Variants in SAMD5 observed in about 807,000 individuals in gnomAD.
SAMD5 encodes the protein sterile alpha motif domain containing 5.
In SAMD5, 13 loss-of-function variants were observed where a neutral mutation model predicts 11.3. That is an observed-to-expected ratio of 1.15 (90% CI 0.75 to 1.83). The LOEUF (loss-of-function observed/expected upper bound fraction) is 1.83. SAMD5 is among the 40% of genes most tolerant of loss of function. SAMD5 has a pLI of 0.00. For synonymous variants in SAMD5, 129 were observed against 111.3 expected, an observed-to-expected ratio of 1.16 and a Z score of -1.00; for missense variants, 255 against 239.1, an observed-to-expected ratio of 1.07 and a Z score of -0.44.
At chr6:147,828,434 A>G in the SAMD5 span, among the ~76,000 whole-genome samples, 1 of 152,206 alleles carries the variant, frequency 6.6e-6, no homozygotes, top group Non-Finnish European at 1.5e-5. Context: ...GAGATTAATT[A>G]ACATTTGAGT....
intron 1 of SAMD5, among the ~76,000 whole-genome samples, chr6:147,524,715 C>T (rs1388497631): frequency 2.6e-5 from 4 of 152,082 alleles, no homozygotes; most frequent in African/African-American, 9.7e-5. Context: ...TAAAATAAGA[C>T]TCACACAAGT....
intron 1 of SAMD5, chr6:147,660,584 T>TGGG (rs1286265188): frequency 6.6e-6 from 1 of 152,234 alleles, no homozygotes; most frequent in Non-Finnish European, 1.5e-5. Context: ...AGGAGGGGCC[T>TGGG]GGTACAAAGT....
At chr6:147,697,016 C>T (rs1275364812) in intron 1 of SAMD5, among the ~76,000 whole-genome samples, 1 of 152,202 alleles carries the variant, frequency 6.6e-6, no homozygotes, top group Non-Finnish European at 1.5e-5. Flanking sequence ...GATCCCTTAT[C>T]TGGTGAGGCC....
the SAMD5 span, among the ~76,000 whole-genome samples, chr6:147,870,439 TGTGTGTGTGA>T: frequency 0.027 from 3,468 of 126,728 alleles, 46 homozygotes; most frequent in African/African-American, 0.035. Context: ...TTGGTGTGTG[TGTGTGTGTGA>T]GTGTGTGTGT....
intron 1 of SAMD5, among the ~76,000 whole-genome samples, chr6:147,686,325 G>A (rs1439334539): frequency 1.3e-5 from 2 of 152,000 alleles, no homozygotes; most frequent in Non-Finnish European, 2.9e-5. Context: ...TGGTTTTTAC[G>A]CTGTGTTTCA....
intron 1 of SAMD5, among the ~76,000 whole-genome samples, chr6:147,660,355 C>T (rs1455874881): frequency 1.3e-5 from 2 of 152,138 alleles, no homozygotes; most frequent in Non-Finnish European, 2.9e-5. Context: ...ACGGGATTTA[C>T]AGAGGGACGT....
At chr6:147,716,532 C>G (rs1791469916) in intron 1 of SAMD5, among the ~76,000 whole-genome samples, 1 of 152,220 alleles carries the variant, frequency 6.6e-6, no homozygotes, top group Non-Finnish European at 1.5e-5. Flanking sequence ...ATGCCCAGGT[C>G]TGCAGACACG....
At chr6:147,643,746 A>AAGGAAGGAAGGG (rs1261436649) in intron 1 of SAMD5, among the ~76,000 whole-genome samples, 68 of 90,562 alleles carry the variant, frequency 7.5e-4, no homozygotes, top group African/African-American at 3.9e-3. Flanking sequence ...GGAAGGAAAG[A>AAGGAAGGAAGGG]AGGAAGGAAG....
the SAMD5 span, among the ~76,000 whole-genome samples, chr6:147,767,251 C>G: frequency 6.6e-6 from 1 of 152,048 alleles, no homozygotes; most frequent in Non-Finnish European, 1.5e-5. Context: ...TCTTGAAGGT[C>G]AACACCTGTG....
At position 147,532,539 on chromosome 6, in the gene SAMD5, G is replaced by C. The variant is rs565157264; in HGVS notation, c.459+23152G>C. ...ATCTTTATTCACTCATTGGTTATGAGCACTTAGGTTGGTTCCATATCTTTG... is the reference window on the plus strand; with the variant it reads ...ATCTTTATTCACTCATTGGTTATGACCACTTAGGTTGGTTCCATATCTTTG... On this transcript the variant is annotated intron_variant, in intron 1 of 1. Coordinates refer to ENST00000367474, the MANE Select transcript of SAMD5 (RefSeq NM_001030060.3). Among the ~76,000 whole-genome samples, 3 of 152,280 alleles carry C rather than the reference G, an allele frequency of 2.0e-5. No homozygotes were observed. In the East Asian group the frequency reaches 5.8e-4, roughly 29 times the overall value.
intron 1 of SAMD5, among the ~76,000 whole-genome samples, chr6:147,579,525 G>A: frequency 7.6e-6 from 1 of 131,162 alleles, no homozygotes. Context: ...AAGTGCAGCA[G>A]TGTGATCTCA....
the SAMD5 span, among the ~76,000 whole-genome samples, chr6:147,911,877 A>T: frequency 6.6e-6 from 1 of 152,224 alleles, no homozygotes; most frequent in Non-Finnish European, 1.5e-5. Flanking sequence ...TGCCAGATCT[A>T]GAAGGGCCTC....
chr6:147,652,755 T>A (rs1562343639), intron 1 of SAMD5, among the ~76,000 whole-genome samples: 2 of 152,248 alleles, frequency 1.3e-5, no homozygotes, highest in African/African-American at 2.4e-5. Flanking sequence ...TCACAATTTC[T>A]GATTCTTCAC....
intron 1 of SAMD5, among the ~76,000 whole-genome samples, chr6:147,726,787 AG>A (rs1791635528): frequency 6.6e-6 from 1 of 152,242 alleles, no homozygotes; most frequent in Non-Finnish European, 1.5e-5. Flanking sequence ...AAGGATTCCA[AG>A]AAAGAGGTGG....
At chr6:147,542,591 T>A (rs1319096992) in intron 1 of SAMD5, among the ~76,000 whole-genome samples, 1 of 152,092 alleles carries the variant, frequency 6.6e-6, no homozygotes, top group African/African-American at 2.4e-5. Flanking sequence ...TGAAGCTGTC[T>A]TTTTGCGCTG....
Position 147,568,396 on chromosome 6 carries a change from G to A in SAMD5, c.*3940G>A. The A allele has an allele frequency of 1.0e-6, 1 of 984,340 alleles. No individual in the cohort carries two copies. The highest frequency in any genetic ancestry group is 1.2e-6 in the Non-Finnish European group (1 of 828,950). The allele number at this position is 984,340 out of a possible 1,614,324, so 61.0% of individuals were successfully genotyped here. A position where few individuals can be genotyped will look rare whatever the true frequency, so the allele number is the denominator to read the frequency against. On this transcript the variant is annotated 3_prime_UTR_variant, in exon 2 of 2. Transcript: ENST00000367474. ...ATTAAAATGCTTGGACAAAACATTT[G>A]CTTTATATAGATTCTTACAAGTAAT... is the stretch of plus-strand genomic sequence containing the variant.
chr6:147,769,466 TCAAA>T, the SAMD5 span, among the ~76,000 whole-genome samples: 6 of 152,148 alleles, frequency 3.9e-5, no homozygotes, highest in African/African-American at 1.4e-4. Context: ...AACACACACA[TCAAA>T]CAACTTCCTT....
chr6:147,700,408 C>A (rs1029008333), intron 1 of SAMD5, among the ~76,000 whole-genome samples: 1 of 152,124 alleles, frequency 6.6e-6, no homozygotes, highest in Non-Finnish European at 1.5e-5. Context: ...ATTTCACCCC[C>A]ATTTTTCTTA....
the SAMD5 span, among the ~76,000 whole-genome samples, chr6:147,949,492 T>C: frequency 6.6e-6 from 1 of 152,346 alleles, no homozygotes; most frequent in Admixed American, 6.5e-5. Flanking sequence ...TTGAAAACAC[T>C]TTATTTGGGA....
Sources: allele counts gnomAD v4.1 joint callset (sites outside exome capture counted in the v4.1 genomes callset), GRCh38; gene constraint gnomAD v4.1.1; transcripts MANE v1.5; gene names NCBI Gene and HGNC (gene_info 2026-07-23, HGNC 2026-07-21).